Variants in NKAIN2 observed in about 807,000 individuals in gnomAD.
The protein encoded by NKAIN2 is sodium/potassium transporting ATPase interacting 2.
NKAIN2 carries 14 observed loss-of-function variants against 32.6 expected under a neutral mutation model. The observed-to-expected ratio is 0.43, with a 90% CI of 0.28 to 0.67. NKAIN2 has a LOEUF of 0.67. NKAIN2 is among the 30% of genes least tolerant of loss of function. The pLI, the probability that NKAIN2 is intolerant of heterozygous loss-of-function variation, is 0.17. For synonymous variants in NKAIN2, 80 were observed against 87.2 expected (o/e 0.92, Z 0.46); for missense variants, 198 against 258.3 (o/e 0.77, Z 1.60).
intron 1 of NKAIN2, among the ~76,000 whole-genome samples, chr6:124,151,256 A>C (rs1055112128): frequency 1.3e-5 from 2 of 152,042 alleles, no homozygotes; most frequent in African/African-American, 2.4e-5. Context: ...TTCATTTTAC[A>C]TGACTTTTAT....
intron 3 of NKAIN2, among the ~76,000 whole-genome samples, chr6:124,632,345 A>G (rs1233037974): frequency 1.3e-5 from 2 of 152,190 alleles, no homozygotes; most frequent in Non-Finnish European, 2.9e-5. Context: ...ATAAGAAGGC[A>G]TAAGTTATGG....
intron 1 of NKAIN2, among the ~76,000 whole-genome samples, chr6:123,984,685 T>G (rs1779052665): frequency 6.6e-6 from 1 of 152,186 alleles, no homozygotes; most frequent in South Asian, 2.1e-4. Flanking sequence ...CACCGTTTAG[T>G]TATCTTTTAT....
intron 3 of NKAIN2, among the ~76,000 whole-genome samples, chr6:124,522,954 T>TA (rs1307550267): frequency 6.6e-6 from 1 of 150,410 alleles, no homozygotes; most frequent in East Asian, 2.0e-4. Context: ...CCATCCCGGC[T>TA]AAAACGGTGA....
chr6:124,502,120 C>T (rs887265340), intron 3 of NKAIN2, among the ~76,000 whole-genome samples: 35 of 151,640 alleles, frequency 2.3e-4, no homozygotes, highest in Admixed American at 2.2e-3. Context: ...AAATACAATA[C>T]AATATAATAT....
intron 1 of NKAIN2, among the ~76,000 whole-genome samples, chr6:124,046,343 A>T (rs950577167): frequency 5.3e-5 from 8 of 152,022 alleles, no homozygotes; most frequent in Non-Finnish European, 1.0e-4. Context: ...TTCCTGGAAC[A>T]CTAGTGTTCC....
chr6:124,809,767 A>G lies in NKAIN2; in HGVS notation c.536-8620A>G, dbSNP rs1316044967. ...AGGGCTAATATCCAGAATCTACAAT[A>G]AACTCAAACAAATTTACAAGAAAAA... On this transcript the variant is annotated intron_variant, in intron 5 of 6. Coordinates refer to ENST00000368417, the MANE Select transcript of NKAIN2 (RefSeq NM_001040214.3). Among the ~76,000 whole-genome samples the G allele has an allele frequency of 2.4e-4, 37 of 152,056 alleles. No individual in the cohort carries two copies. In the East Asian group the frequency reaches 2.5e-3, roughly 10 times the overall value.
intron 3 of NKAIN2, among the ~76,000 whole-genome samples, chr6:124,461,761 C>G (rs1776540244): frequency 6.6e-6 from 1 of 151,488 alleles, no homozygotes; most frequent in Non-Finnish European, 1.5e-5. Context: ...AATATTTTAC[C>G]AGTAGTGGGA....
intron 1 of NKAIN2, among the ~76,000 whole-genome samples, chr6:124,189,177 A>C (rs960626806): frequency 3.1e-4 from 47 of 152,214 alleles, no homozygotes; most frequent in African/African-American, 1.1e-3. Context: ...CCAAGCAACA[A>C]ACCATGAGAT....
At chr6:124,049,901 A>G (rs1216140841) in intron 1 of NKAIN2, among the ~76,000 whole-genome samples, 1 of 152,050 alleles carries the variant, frequency 6.6e-6, no homozygotes, top group Non-Finnish European at 1.5e-5. Context: ...GGACGTGCCA[A>G]AGACAAGTCA....
intron 1 of NKAIN2, among the ~76,000 whole-genome samples, chr6:123,902,691 A>G (rs1421587222): frequency 6.6e-6 from 1 of 152,196 alleles, no homozygotes. Context: ...AAAATATTTA[A>G]AGAAGCATCG....
At chr6:124,376,263 T>C (rs765383309) in intron 3 of NKAIN2, among the ~76,000 whole-genome samples, 8 of 152,128 alleles carry the variant, frequency 5.3e-5, no homozygotes, top group Non-Finnish European at 8.8e-5. Flanking sequence ...TTCATCCAAG[T>C]GTGATTAAAT....
At chr6:124,118,893 GTAAA>G (rs1165309996) in intron 1 of NKAIN2, among the ~76,000 whole-genome samples, 13 of 152,096 alleles carry the variant, frequency 8.5e-5, no homozygotes, top group Admixed American at 8.5e-4. Context: ...TAGGTAATGT[GTAAA>G]TGAATGGGTG....
chr6:123,952,633 C>G (rs910094710), intron 1 of NKAIN2, among the ~76,000 whole-genome samples: 1 of 152,024 alleles, frequency 6.6e-6, no homozygotes, highest in Non-Finnish European at 1.5e-5. Context: ...AGCCTGTATT[C>G]AAGTTCTGAA....
At chr6:123,860,265 C>T (rs1775731374) in intron 1 of NKAIN2, among the ~76,000 whole-genome samples, 1 of 152,018 alleles carries the variant, frequency 6.6e-6, no homozygotes, top group Admixed American at 6.6e-5. Context: ...CACCCATCTC[C>T]CTCCTGCCAA....
At chr6:124,773,642 C>G (rs1778857835) in intron 4 of NKAIN2, among the ~76,000 whole-genome samples, 1 of 152,042 alleles carries the variant, frequency 6.6e-6, no homozygotes, top group Non-Finnish European at 1.5e-5. Flanking sequence ...GGGACTAGAC[C>G]CAGCAATTTC....
At chr6:124,342,822 T>G (rs1052418229) in intron 2 of NKAIN2, among the ~76,000 whole-genome samples, 1 of 111,418 alleles carries the variant, frequency 9.0e-6, no homozygotes, top group Non-Finnish European at 1.9e-5. Context: ...GTTTTATTAT[T>G]ATTATTATTA....
intron 2 of NKAIN2, among the ~76,000 whole-genome samples, chr6:124,292,575 GGGAAGGCAACCCCATA>G (rs1795868719): frequency 6.6e-6 from 1 of 151,254 alleles, no homozygotes; most frequent in Non-Finnish European, 1.5e-5. Flanking sequence ...AGACTCTATG[GGGAAGGCAACCCCATA>G]GGTTTCAGCC....
chr6:124,553,402 G>A (rs181178881), intron 3 of NKAIN2, among the ~76,000 whole-genome samples: 199 of 152,280 alleles, frequency 1.3e-3, no homozygotes, highest in African/African-American at 3.6e-3. Context: ...CCGCCTCCCA[G>A]GTTCAAGCGA....
At chr6:124,424,023 T>G (rs1457570823) in intron 3 of NKAIN2, among the ~76,000 whole-genome samples, 1 of 152,224 alleles carries the variant, frequency 6.6e-6, no homozygotes, top group East Asian at 1.9e-4. Context: ...GACAAGAGTC[T>G]GGCTCTGTTG....
Sources: allele counts gnomAD v4.1 joint callset (sites outside exome capture counted in the v4.1 genomes callset), GRCh38; gene constraint gnomAD v4.1.1; transcripts MANE v1.5; gene names NCBI Gene and HGNC (gene_info 2026-07-23, HGNC 2026-07-21).